The following PIK3AP1 variants were observed in gnomAD, a reference collection of about 807,000 sequenced individuals.
PIK3AP1 encodes the protein phosphoinositide-3-kinase adaptor protein 1, also known as phosphoinositide 3-kinase adapter protein 1.
Under a neutral mutation model 88.1 loss-of-function variants are expected in PIK3AP1, and 21 were observed. That is an observed-to-expected ratio of 0.24 (90% CI 0.17 to 0.34). PIK3AP1 has a LOEUF of 0.34. Ranked by LOEUF, PIK3AP1 falls within the 10% of genes least tolerant of loss-of-function variation. The pLI is 1.00. For missense variants in PIK3AP1, 828 were observed against 1,035.7 expected (o/e 0.80, Z 2.75); for synonymous variants, 398 against 400.0 (o/e 1.00, Z 0.06).
intron 2 of PIK3AP1, among the ~76,000 whole-genome samples, chr10:96,688,368 G>A (rs977622141): frequency 3.3e-5 from 5 of 152,248 alleles, no homozygotes; most frequent in East Asian, 3.9e-4. Context: ...AATAAAATAC[G>A]AGGCCATGGA....
At chr10:96,614,612 G>T (rs1160553785) in intron 13 of PIK3AP1, among the ~76,000 whole-genome samples, 1 of 152,120 alleles carries the variant, frequency 6.6e-6, no homozygotes, top group Non-Finnish European at 1.5e-5. Context: ...CACTGTGTTA[G>T]GCATGGTGGA....
At chr10:96,697,827 G>A (rs1464484397) in intron 2 of PIK3AP1, among the ~76,000 whole-genome samples, 1 of 152,086 alleles carries the variant, frequency 6.6e-6, no homozygotes, top group Non-Finnish European at 1.5e-5. Context: ...CCACCCAAAG[G>A]TAACCACTAT....
chr10:96,599,192 G>A (rs763264263), intron 16 of PIK3AP1, among the ~76,000 whole-genome samples: 7 of 152,124 alleles, frequency 4.6e-5, no homozygotes, highest in Non-Finnish European at 1.0e-4. Context: ...TGTGAGGGGG[G>A]CAGGGATCAA....
chr10:96,634,903 A>C (rs1843293053), intron 8 of PIK3AP1, among the ~76,000 whole-genome samples: 1 of 152,132 alleles, frequency 6.6e-6, no homozygotes, highest in Non-Finnish European at 1.5e-5. Context: ...TCCAGACTCT[A>C]GAGGCCACCT....
At chr10:96,698,803 T>C (rs1007413923) in intron 2 of PIK3AP1, among the ~76,000 whole-genome samples, 1 of 152,144 alleles carries the variant, frequency 6.6e-6, no homozygotes, top group African/African-American at 2.4e-5. Context: ...ACCTGGCAGA[T>C]GCTCATTCAA....
In PIK3AP1 at chr10:96,616,716, A is replaced by T. The variant is rs759388085; in HGVS notation, c.1942-5T>A. The T allele has an allele frequency of 6.2e-7, 1 of 1,614,008 alleles. No homozygotes were observed. Among genetic ancestry groups the T allele is most frequent in the South Asian group, 1.1e-5 (1 of 91,074 alleles). On this transcript the variant is annotated splice_region_variant and splice_polypyrimidine_tract_variant and intron_variant, in intron 12 of 16. Coordinates refer to ENST00000339364, the MANE Select transcript of PIK3AP1 (RefSeq NM_152309.3). The stretch of plus-strand genomic sequence containing the variant: ...TCTTAGCCGTTTAAGATTTTCCTGG[A>T]AAAAAATTTGGTTTATTTTTTAAGT...
At chr10:96,652,369 T>C (rs1398628811) in intron 4 of PIK3AP1, among the ~76,000 whole-genome samples, 1 of 151,998 alleles carries the variant, frequency 6.6e-6, no homozygotes, top group Admixed American at 6.6e-5. Flanking sequence ...GTCAGGAGAT[T>C]GAGACCATCC....
intron 8 of PIK3AP1, among the ~76,000 whole-genome samples, chr10:96,629,942 G>T: frequency 1.6e-5 from 1 of 62,488 alleles, no homozygotes. Context: ...AGAAGAAGAA[G>T]AAGAAGAAGA....
chr10:96,682,009 T>C (rs1354449097), intron 2 of PIK3AP1, among the ~76,000 whole-genome samples: 1 of 128,668 alleles, frequency 7.8e-6, no homozygotes, highest in African/African-American at 3.4e-5. Context: ...TATATATATA[T>C]ATATAGAGAG....
chr10:96,673,711 G>A (rs1325345501), intron 2 of PIK3AP1, among the ~76,000 whole-genome samples: 27 of 152,130 alleles, frequency 1.8e-4, no homozygotes, highest in South Asian at 8.3e-4. Context: ...GTGTGAGGAC[G>A]GACAAATGGG....
intron 8 of PIK3AP1, among the ~76,000 whole-genome samples, chr10:96,642,466 GAGAA>G (rs71488806): frequency 1.4e-4 from 19 of 140,306 alleles, no homozygotes; most frequent in African/African-American, 4.9e-4. Flanking sequence ...AAGAAAAAAA[GAGAA>G]AGAAAGAAAG....
chr10:96,612,976 ATATATATTTTTTTTTTTTTT>A (rs1849147121), intron 13 of PIK3AP1, among the ~76,000 whole-genome samples: 776 of 59,140 alleles, frequency 0.013, 2 homozygotes, highest in East Asian at 0.049. Flanking sequence ...ATATATATAT[ATATATATTTTTTTTTTTTTT>A]TTTTTTTTTT....
chr10:96,654,487 G>C (rs1843588020), intron 3 of PIK3AP1, among the ~76,000 whole-genome samples: 1 of 152,176 alleles, frequency 6.6e-6, no homozygotes, highest in African/African-American at 2.4e-5. Context: ...GGCTGCTGAG[G>C]CTGCACACAC....
In PIK3AP1 at chr10:96,626,713, A is replaced by G. The variant is rs781326320; in HGVS notation, c.1664T>C (p.Phe555Ser). 182 of 1,613,790 alleles carry G rather than the reference A, an allele frequency of 1.1e-4. No homozygotes were observed. The highest frequency in any genetic ancestry group is 3.3e-4 in the Middle Eastern group (2 of 6,084). The change falls in exon 10 of 17, where the codon TTT becomes TCT. Residue 555 changes from phenylalanine to serine, a missense_variant. Phe to Ser is a radical substitution (Grantham distance 155, BLOSUM62 -2). Coordinates refer to ENST00000339364, the MANE Select transcript of PIK3AP1 (RefSeq NM_152309.3). ...TCATTCCCTGCCATACTTGCCTTTA[A>G]AAATGTATGGTTCGTTGTCAGGCAG... Reference protein sequence around the residue: ...HQLPDNEPYIFKVFAEKSQER... With the variant: ...HQLPDNEPYISKVFAEKSQER...
chr10:96,619,659 T>C (rs1182154404), intron 12 of PIK3AP1, among the ~76,000 whole-genome samples: 1 of 152,218 alleles, frequency 6.6e-6, no homozygotes, highest in Non-Finnish European at 1.5e-5. Context: ...TTATACATCA[T>C]GTACACTTAT....
At chr10:96,629,939 G>A (rs370752699) in intron 8 of PIK3AP1, among the ~76,000 whole-genome samples, 577 of 56,390 alleles carry the variant, frequency 0.01, 1 homozygote, top group African/African-American at 0.013. Flanking sequence ...AAAAGAAGAA[G>A]AAGAAGAAGA....
chr10:96,707,737 A>G (rs552415483), intron 2 of PIK3AP1, among the ~76,000 whole-genome samples: 1 of 152,340 alleles, frequency 6.6e-6, no homozygotes, highest in East Asian at 1.9e-4. Context: ...TCATCCACAG[A>G]AACAACCAGT....
intron 2 of PIK3AP1, among the ~76,000 whole-genome samples, chr10:96,659,447 AATCCT>A (rs1307845877): frequency 6.6e-6 from 1 of 152,156 alleles, no homozygotes; most frequent in Non-Finnish European, 1.5e-5. Flanking sequence ...AACAAAGACA[AATCCT>A]TTATTTCTCC....
chr10:96,703,525 T>C (rs1662012219), intron 2 of PIK3AP1, among the ~76,000 whole-genome samples: 1 of 152,184 alleles, frequency 6.6e-6, no homozygotes, highest in Admixed American at 6.5e-5. Flanking sequence ...AAACACTCAA[T>C]ATCACCCACA....
Sources: gnomAD v4.1 joint callset for allele counts (sites outside exome capture counted in the v4.1 genomes callset) on GRCh38, gnomAD v4.1.1 for gene constraint, MANE v1.5 for transcripts, NCBI Gene and HGNC (gene_info 2026-07-23, HGNC 2026-07-21) for gene names.